JAKMIP3: variants seen among roughly 807,000 people sequenced by gnomAD.
The protein encoded by JAKMIP3 is Janus kinase and microtubule interacting protein 3, also known as janus kinase and microtubule-interacting protein 3.
Under a neutral mutation model 118.5 loss-of-function variants are expected in JAKMIP3, and 58 were observed. The ratio of observed to expected loss-of-function variants is 0.49; its 90% CI spans 0.40 to 0.61. The LOEUF is 0.61. Among genes scored for constraint, JAKMIP3 ranks in the 20% least tolerant of loss-of-function variants. The pLI is 0.00. For missense variants in JAKMIP3, 950 were observed against 1,109.0 expected, an observed-to-expected ratio of 0.86 and a Z score of 2.04; for synonymous variants, 486 against 451.2, an observed-to-expected ratio of 1.08 and a Z score of -0.98.
rs9419358 is a variant in JAKMIP3 at position 132,090,551 on chromosome 10, G to T, written c.-137-14121G>T. 0.014 allele frequency among the ~76,000 whole-genome samples: 2,080 copies of T among 152,226 alleles called. 217 individuals are homozygous for T. The East Asian group carries it at 0.29, about 21-fold the overall frequency. On this transcript the variant is annotated intron_variant, in intron 1 of 23. Transcript: ENST00000684848. The stretch of plus-strand genomic sequence containing the variant: ...AGTTTGTATTTCTGTGGGATCAGTG[G>T]TGATAACCCCTTTATCATTTTTTAT...
rs1272045421 is a variant in JAKMIP3, at chr10:132,138,272, A to G, written c.1344+94A>G. ...GTGTGGAGAGCGCTGGTGTGTGCGG[A>G]GAGGGGTGCGCCGGTGTACGTGGAG... On this transcript the variant is annotated intron_variant, in intron 9 of 23. Transcript: ENST00000684848. The G allele has an allele frequency of 4.3e-6, 5 of 1,160,718 alleles. No individual in the cohort carries two copies. The South Asian group carries it at 6.7e-5, about 16-fold the overall frequency. 71.9% of individuals were successfully genotyped at this position (1,160,718 alleles called of 1,614,324 possible).
At chr10:132,180,574 T>TGTGCGCGC (rs1565018629) in intron 23 of JAKMIP3, among the ~76,000 whole-genome samples, 6 of 42,706 alleles carry the variant, frequency 1.4e-4, no homozygotes, top group African/African-American at 3.5e-4. Context: ...TGTGCGTGTG[T>TGTGCGCGC]GTGTGCGTGC....
At chr10:132,167,870 G>GCCCCTCC (rs1421431163) in intron 22 of JAKMIP3, 83 bp from the exon 23 acceptor site, 4 of 1,040,174 alleles carry the variant, frequency 3.8e-6, no homozygotes, top group East Asian at 6.2e-5. Flanking sequence ...CTCGGCCCTC[G>GCCCCTCC]CCCCTCGCCC....
At chr10:132,084,777 T>C (rs2042177665) in intron 1 of JAKMIP3, among the ~76,000 whole-genome samples, 1 of 152,234 alleles carries the variant, frequency 6.6e-6, no homozygotes, top group Non-Finnish European at 1.5e-5. Context: ...AGAGTTTTAA[T>C]TATAAAGGGA....
chr10:132,180,556 T>TGC lies in JAKMIP3; in HGVS notation c.*1104-1799_*1104-1798dup, dbSNP rs1565018349. Among the ~76,000 whole-genome samples the TGC allele has an allele frequency of 9.0e-3, 36 of 4,010 alleles. 4 individuals carry two copies. Among genetic ancestry groups the TGC allele is most frequent in the Non-Finnish European group, 0.013 (29 of 2,206 alleles). The allele number at this position is 4,010 out of a possible 152,430, so 2.6% of individuals were successfully genotyped here. ...GTGTGTGTGTGTGTGCGTGCGTGCATGCGTGTGTGTGCGTGTGTGTGTGCG... is the reference window on the plus strand; with the variant it reads ...GTGTGTGTGTGTGTGCGTGCGTGCATGCGCGTGTGTGTGCGTGTGTGTGTGCG... On this transcript the variant is annotated intron_variant, in intron 23 of 23. Transcript: ENST00000684848.
intron 21 of JAKMIP3, among the ~76,000 whole-genome samples, chr10:132,166,728 C>A (rs1029937914): frequency 6.6e-6 from 1 of 152,164 alleles, no homozygotes; most frequent in Non-Finnish European, 1.5e-5. Flanking sequence ...GTGTGGGGCC[C>A]CTGACCAGCG....
chr10:132,177,365 C>T (rs192785228), intron 23 of JAKMIP3, among the ~76,000 whole-genome samples: 34 of 152,352 alleles, frequency 2.2e-4, no homozygotes, highest in Admixed American at 3.9e-4. Context: ...AGTGTGCGCA[C>T]GTGTGTGCAC....
At position 132,104,868 on chromosome 10, in the gene JAKMIP3, G is replaced by A. The variant is rs10870252; in HGVS notation, c.60G>A (p.Ala20=). ...GGGACAAGGCAGAGGCCCTCGCGGC[G>A]CTGCAGGCGGCCAACGAGGATCTTC... ...AKGDKAEALA[A]LQAANEDLRA... The change falls in exon 2 of 24, where the codon GCG becomes GCA. Residue 20 remains alanine, a synonymous_variant. Coordinates refer to ENST00000684848, the MANE Select transcript of JAKMIP3 (RefSeq NM_001323087.2). 298,185 of 1,563,872 alleles carry A rather than the reference G, an allele frequency of 0.19. 30,415 individuals are homozygous for A. Among genetic ancestry groups the A allele is most frequent in the African/African-American group, 0.36 (26,223 of 73,576 alleles).
chr10:132,145,582 T>A lies in JAKMIP3; in HGVS notation c.1749+2T>A. On this transcript the variant is annotated splice_donor_variant, in intron 13 of 23. Coordinates refer to ENST00000684848, the MANE Select transcript of JAKMIP3 (RefSeq NM_001323087.2). LOFTEE classifies it high-confidence loss of function. ...AGAAATCAAGAGCTTGTGGAAAAGG[T>A]GAGCCCCGAACCCCTGGAGGCCCTG... 1.3e-6 allele frequency: 2 copies of A among 1,560,600 alleles called. No homozygotes were observed. The highest frequency in any genetic ancestry group is 1.7e-6 in the Non-Finnish European group (2 of 1,152,518).
At chr10:132,076,295 G>C (rs182271609) in intron 1 of JAKMIP3, among the ~76,000 whole-genome samples, 4 of 152,336 alleles carry the variant, frequency 2.6e-5, no homozygotes, top group South Asian at 4.1e-4. Context: ...TTCACTTAGC[G>C]TGGGGTTTTC....
At chr10:132,161,551 T>C (rs1207149940) in intron 19 of JAKMIP3, among the ~76,000 whole-genome samples, 11 of 15,358 alleles carry the variant, frequency 7.2e-4, no homozygotes, top group African/African-American at 9.4e-4. Flanking sequence ...CTGGGGGGGG[T>C]CTCTCCCTGT....
chr10:132,060,968 C>T (rs922853628), upstream of JAKMIP3, among the ~76,000 whole-genome samples: 3 of 151,896 alleles, frequency 2.0e-5, no homozygotes, highest in South Asian at 2.1e-4. Flanking sequence ...AAGGTTGCAG[C>T]GGGCCAAGAT....
In JAKMIP3 at chr10:132,124,600, C is replaced by T. The variant is rs150560018; in HGVS notation, c.633+7026C>T. ...GGTCACCTGTCCCACCCCGGCACAT[C>T]ACAGCCGAGCCAGCCAGCTGTGCTA... is the stretch of plus-strand genomic sequence containing the variant. On this transcript the variant is annotated intron_variant, in intron 3 of 23. Coordinates refer to ENST00000684848, the MANE Select transcript of JAKMIP3 (RefSeq NM_001323087.2). Among the ~76,000 whole-genome samples the T allele has an allele frequency of 3.5e-3, 536 of 151,802 alleles. 6 individuals carry two copies. Among genetic ancestry groups the T allele is most frequent in the East Asian group, 0.02 (101 of 5,122 alleles).
chr10:132,139,249 T>G (rs114843064), intron 9 of JAKMIP3, among the ~76,000 whole-genome samples: 8 of 99,812 alleles, frequency 8.0e-5, no homozygotes, highest in Non-Finnish European at 1.3e-4. Flanking sequence ...TCTGTGTGTG[T>G]ATGTGTGTGT....
At chr10:132,148,867 G>A (rs867708815) in intron 14 of JAKMIP3, among the ~76,000 whole-genome samples, 7 of 152,206 alleles carry the variant, frequency 4.6e-5, no homozygotes, top group African/African-American at 1.4e-4. Context: ...CGAGGCCTCC[G>A]TCTCAGGCCA....
chr10:132,099,352 C>G (rs1437977937), intron 1 of JAKMIP3, among the ~76,000 whole-genome samples: 1 of 152,202 alleles, frequency 6.6e-6, no homozygotes, highest in Non-Finnish European at 1.5e-5. Context: ...CAGAGGTCAA[C>G]CCAAAGCACT....
intron 20 of JAKMIP3, 144 bp downstream of exon 20, chr10:132,163,556 A>C: frequency 2.9e-6 from 2 of 701,376 alleles, no homozygotes; most frequent in Non-Finnish European, 4.7e-6. Flanking sequence ...CATAACACAC[A>C]CTCTGATGGC....
chr10:132,075,711 A>C (rs1477834768), intron 1 of JAKMIP3, among the ~76,000 whole-genome samples: 1 of 152,010 alleles, frequency 6.6e-6, no homozygotes, highest in Non-Finnish European at 1.5e-5. Context: ...TGCCTCAGAT[A>C]CTTCTATATA....
chr10:132,180,542 T>TGTGTGTGCGTGC lies in JAKMIP3; in HGVS notation c.*1104-1812_*1104-1811insTGTGCGTGCGTG, dbSNP rs1392970396. On this transcript the variant is annotated intron_variant, in intron 23 of 23. Coordinates refer to ENST00000684848, the MANE Select transcript of JAKMIP3 (RefSeq NM_001323087.2). ...GCAGAACTGTGTGTGTGTGTGTGTG[T>TGTGTGTGCGTGC]GTGCGTGCGTGCATGCGTGTGTGTG... is the stretch of plus-strand genomic sequence containing the variant. Among the ~76,000 whole-genome samples, 2 of 31,794 alleles carry TGTGTGTGCGTGC rather than the reference T, an allele frequency of 6.3e-5. 1 individual carries two copies. Among genetic ancestry groups the TGTGTGTGCGTGC allele is most frequent in the African/African-American group, 4.6e-4 (2 of 4,316 alleles). The allele number at this position is 31,794 out of a possible 152,430, so 20.9% of individuals were successfully genotyped here.
Sources: allele counts gnomAD v4.1 joint callset (sites outside exome capture counted in the v4.1 genomes callset), GRCh38; gene constraint gnomAD v4.1.1; transcripts MANE v1.5; gene names NCBI Gene and HGNC (gene_info 2026-07-23, HGNC 2026-07-21).